Variants in SNED1 observed in about 807,000 individuals in gnomAD.
The protein encoded by SNED1 is sushi, nidogen and EGF-like domain-containing protein 1.
SNED1 carries 81 observed loss-of-function variants against 166.7 expected under a neutral mutation model. The observed-to-expected ratio is 0.49, with a 90% confidence interval of 0.41 to 0.58. The LOEUF (loss-of-function observed/expected upper bound fraction) is 0.58. Among genes scored for constraint, SNED1 ranks in the 20% least tolerant of loss-of-function variants. The pLI, the probability that SNED1 is intolerant of heterozygous loss-of-function variation, is 0.00. For synonymous variants in SNED1, 762 were observed against 822.0 expected (o/e 0.93, Z 1.25); for missense variants, 1,604 against 2,000.2 (o/e 0.80, Z 3.78).
Position 241,094,688 on chromosome 2 carries a change from G to A in SNED1, c.*3052G>A, listed in dbSNP as rs74000379. 24,938 of 305,680 alleles carry A rather than the reference G, an allele frequency of 0.082. 1,371 individuals carry two copies. Among genetic ancestry groups the A allele is most frequent in the African/African-American group, 0.18 (8,082 of 44,808 alleles). The allele number at this position is 305,680 out of a possible 1,614,324, so 18.9% of individuals were successfully genotyped here. A position where few individuals can be genotyped will look rare whatever the true frequency, so the allele number is the denominator to read the frequency against. ...AGGCTCAGCACTGACATTCTGGGCC[G>A]GATCATCCTCTCTTGTGGGACCATC... On this transcript the variant is annotated 3_prime_UTR_variant, in exon 32 of 32. Coordinates refer to ENST00000310397, the MANE Select transcript of SNED1 (RefSeq NM_001080437.3). This position sits in a 1 kb window ranked among gnomAD's most constrained non-coding sequence, Gnocchi z 4.3.
chr2:241,061,876 GAAAA>G (rs1022920967), intron 16 of SNED1, among the ~76,000 whole-genome samples: 7 of 149,456 alleles, frequency 4.7e-5, no homozygotes, highest in Non-Finnish European at 1.0e-4. Flanking sequence ...AAGAAAAAAA[GAAAA>G]CAAAAAAAGG....
intron 31 of SNED1, chr2:241,090,019 G>A (rs1449403003): frequency 6.5e-7 from 1 of 1,548,318 alleles, no homozygotes; most frequent in South Asian, 1.2e-5. Context: ...GCGCAGGACT[G>A]GCAGTTGCAC....
rs202127695 is a variant in SNED1 at position 241,067,810 on chromosome 2, C to A, written c.3057C>A (p.Ser1019Arg). The stretch of plus-strand genomic sequence containing the variant: ...TCGAGGTCACCAATGTGACGGCTAG[C>A]ACCATCTCAGTGCAGTGGGCCCTGC... Reference protein sequence around the residue: ...EGFEVTNVTASTISVQWALHR... With the variant: ...EGFEVTNVTARTISVQWALHR... The change falls in exon 22 of 32, where the codon AGC becomes AGA. Residue 1019 changes from serine to arginine, a missense_variant. Ser to Arg is a moderately radical substitution (Grantham distance 110, BLOSUM62 -1). This residue lies in a region of SNED1 where 1,237 missense variants were observed against 1,620.8 expected (regional missense o/e 0.76). Transcript: ENST00000310397. The A allele has an allele frequency of 5.6e-5, 91 of 1,613,214 alleles. No individual in the cohort carries two copies. The highest frequency in any genetic ancestry group is 7.1e-5 in the Non-Finnish European group (84 of 1,179,618).
At chr2:241,062,477 A>C (rs1016594580) in intron 16 of SNED1, among the ~76,000 whole-genome samples, 1 of 152,212 alleles carries the variant, frequency 6.6e-6, no homozygotes, top group Admixed American at 6.5e-5. Context: ...ATGGGACATG[A>C]GACATTTTCT....
At chr2:241,040,441 C>A in intron 8 of SNED1, 28 bp downstream of exon 8, 2 of 1,438,134 alleles carry the variant, frequency 1.4e-6, no homozygotes, top group East Asian at 2.4e-5. Flanking sequence ...TGCAGGCCAC[C>A]ATGGCTGATG....
Position 241,069,422 on chromosome 2 carries a change from A to G in SNED1, c.3307+399A>G, listed in dbSNP as rs570273882. ...TAGGCCCACACCCCCTCCCCAGTGC[A>G]TGGGAGGGGTGACAGCATGGACAGT... On this transcript the variant is annotated intron_variant, in intron 23 of 31. Coordinates refer to ENST00000310397, the MANE Select transcript of SNED1 (RefSeq NM_001080437.3). This position sits in a 1 kb window ranked among gnomAD's most constrained non-coding sequence, Gnocchi z 4.9. Among the ~76,000 whole-genome samples the G allele has an allele frequency of 3.9e-5, 6 of 152,052 alleles. 1 individual carries two copies. Among genetic ancestry groups the G allele is most frequent in the African/African-American group, 1.4e-4 (6 of 41,510 alleles).
chr2:241,003,854 C>T (rs1400942048), intron 1 of SNED1, among the ~76,000 whole-genome samples: 2 of 152,240 alleles, frequency 1.3e-5, no homozygotes, highest in African/African-American at 4.8e-5. Flanking sequence ...CATAAGGCTG[C>T]ACACAGGAGC....
chr2:241,001,058 C>T (rs1298309047), intron 1 of SNED1, among the ~76,000 whole-genome samples: 1 of 152,340 alleles, frequency 6.6e-6, no homozygotes, highest in East Asian at 1.9e-4. Context: ...CGAGCGGACC[C>T]TCTTCTGAGG....
chr2:241,049,159 G>T (rs772147283), intron 11 of SNED1, 24 bp downstream of exon 11: 55 of 1,580,248 alleles, frequency 3.5e-5, no homozygotes, highest in Non-Finnish European at 4.6e-5. Context: ...GGACGAGCCT[G>T]CTGGGCCGGG....
chr2:241,019,694 T>A lies in SNED1; in HGVS notation c.214-10590T>A, dbSNP rs574630267. Among the ~76,000 whole-genome samples, 3 of 152,282 alleles carry A rather than the reference T, an allele frequency of 2.0e-5. No homozygotes were observed. In the East Asian group the frequency reaches 5.8e-4, roughly 29 times the overall value. On this transcript the variant is annotated intron_variant, in intron 1 of 31. Transcript: ENST00000310397. ...GGATCCAAGAGGCAGCGCGGTCCGA[T>A]CGGAGAGCACCCTTACCGTGGGCAC...
In SNED1 at chr2:241,051,969, C is replaced by A; in HGVS notation, c.1853-72C>A. ...TGTGGGTCTGCTTCTCATGAAGAGG[C>A]CCCAGCTCTGGGATGTTGGGGAACG... On this transcript the variant is annotated intron_variant, in intron 13 of 31. Transcript: ENST00000310397. The surrounding 1 kb of genome is among the most constrained non-coding windows in gnomAD (Gnocchi z 4.7). 1 of 1,509,172 alleles carries A rather than the reference C, an allele frequency of 6.6e-7. No individual in the cohort carries two copies. Among genetic ancestry groups the A allele is most frequent in the Non-Finnish European group, 9.1e-7 (1 of 1,098,816 alleles). 93.5% of individuals were successfully genotyped at this position (1,509,172 alleles called of 1,614,324 possible). A position where few individuals can be genotyped will look rare whatever the true frequency, so the allele number is the denominator to read the frequency against.
At chr2:241,032,908 T>A (rs1559241892) in intron 2 of SNED1, among the ~76,000 whole-genome samples, 1 of 152,266 alleles carries the variant, frequency 6.6e-6, no homozygotes, top group Non-Finnish European at 1.5e-5. Flanking sequence ...TAATTTTATC[T>A]GCTGTATGCG....
Position 241,064,180 on chromosome 2 carries a change from C to G in SNED1, c.2599+55C>G. ...CCTCTGCCCGCCTGCTCCCCGCCCT[C>G]TGCCCGCCTGCTGCCCGCCCTCTGC... On this transcript the variant is annotated intron_variant, in intron 19 of 31. Transcript: ENST00000310397. This position sits in a 1 kb window ranked among gnomAD's most constrained non-coding sequence, Gnocchi z 7.0. The G allele has an allele frequency of 8.0e-7, 1 of 1,245,772 alleles. No individual in the cohort carries two copies. The highest frequency in any genetic ancestry group is 1.1e-6 in the Non-Finnish European group (1 of 902,322). 77.2% of individuals were successfully genotyped at this position (1,245,772 alleles called of 1,614,324 possible).
In SNED1 at chr2:241,013,484, A is replaced by G. The variant is rs2060480409; in HGVS notation, c.213+14434A>G. Among the ~76,000 whole-genome samples the G allele has an allele frequency of 6.6e-6, 1 of 151,806 alleles. No individual in the cohort carries two copies. Among genetic ancestry groups the G allele is most frequent in the Admixed American group, 6.6e-5 (1 of 15,244 alleles). ...GTAGCTGGGATTATAGGCACGCACC[A>G]CCACCTCCAGCTATATTTTTTTATT... On this transcript the variant is annotated intron_variant, in intron 1 of 31. Coordinates refer to ENST00000310397, the MANE Select transcript of SNED1 (RefSeq NM_001080437.3). The surrounding 1 kb of genome is among the most constrained non-coding windows in gnomAD (Gnocchi z 4.6).
chr2:241,054,883 G>A (rs548748012), intron 16 of SNED1, among the ~76,000 whole-genome samples: 3 of 152,284 alleles, frequency 2.0e-5, no homozygotes, highest in South Asian at 2.1e-4. Context: ...TTGGGAGGCC[G>A]AGGCAGGTGG....
At chr2:241,025,732 T>C (rs1461860657) in intron 1 of SNED1, among the ~76,000 whole-genome samples, 2 of 152,182 alleles carry the variant, frequency 1.3e-5, no homozygotes, top group African/African-American at 4.8e-5. Flanking sequence ...GGGTATTTTA[T>C]CTGGATATAA....
chr2:241,015,743 G>A (rs566443818), intron 1 of SNED1: 12 of 171,612 alleles, frequency 7.0e-5, no homozygotes, highest in African/African-American at 1.9e-4. Context: ...GTCTCATAGC[G>A]GTGGTGTTGG....
rs771239752 is a variant in SNED1, at chr2:241,062,913, G to A, written c.2371+9G>A. 2.6e-6 allele frequency: 4 copies of A among 1,553,924 alleles called. No homozygotes were observed. In the South Asian group the frequency reaches 3.5e-5, roughly 13 times the overall value. On this transcript the variant is annotated intron_variant, in intron 17 of 31. Transcript: ENST00000310397. ...CGCCCACTGTGAGCTGGGTAAGAGG[G>A]GCCCTGGCCCCGCTGGGGTGACAGC...
intron 1 of SNED1, among the ~76,000 whole-genome samples, chr2:241,026,071 A>G (rs1250426631): frequency 8.5e-6 from 1 of 118,030 alleles, no homozygotes; most frequent in Non-Finnish European, 1.6e-5. Flanking sequence ...GCTGGAGTGC[A>G]GTGGCACGAT....
Sources: allele counts gnomAD v4.1 joint callset (sites outside exome capture counted in the v4.1 genomes callset), GRCh38; gene constraint gnomAD v4.1.1; regional missense constraint gnomAD v4.1.1; non-coding constraint Gnocchi (gnomAD v3.1); transcripts MANE v1.5; gene names NCBI Gene and HGNC (gene_info 2026-07-23, HGNC 2026-07-21).